Variants in CTNNA3 observed in about 807,000 individuals in gnomAD.
CTNNA3 encodes the protein catenin alpha 3.
CTNNA3 carries 76 observed loss-of-function variants against 95.7 expected under a neutral mutation model. That is an observed-to-expected ratio of 0.79 (90% CI 0.66 to 0.96). CTNNA3 has a LOEUF of 0.96. CTNNA3 is among the 40% of genes least tolerant of loss of function. The pLI is 0.00. For synonymous variants in CTNNA3, 431 were observed against 374.4 expected (o/e 1.15, Z -1.74); for missense variants, 1,191 against 1,089.8 (o/e 1.09, Z -1.31).
chr10:67,379,747 C>T (rs1310085471), intron 5 of CTNNA3, among the ~76,000 whole-genome samples: 1 of 151,996 alleles, frequency 6.6e-6, no homozygotes, highest in African/African-American at 2.4e-5. Context: ...AGAGGCCGGG[C>T]GCGGTGGCTC....
chr10:67,762,118 C>A (rs1440847280), intron 1 of CTNNA3, among the ~76,000 whole-genome samples: 1 of 148,044 alleles, frequency 6.8e-6, no homozygotes, highest in Non-Finnish European at 1.5e-5. Flanking sequence ...TGGAAATTCA[C>A]ACTTTTGGGG....
intron 5 of CTNNA3, among the ~76,000 whole-genome samples, chr10:67,235,131 A>C (rs1033770111): frequency 2.0e-5 from 3 of 152,036 alleles, no homozygotes; most frequent in Middle Eastern, 3.2e-3. Context: ...TCAAGCTACT[A>C]ATGACTTTCT....
chr10:67,077,593 C>A (rs1344585487), intron 7 of CTNNA3, among the ~76,000 whole-genome samples: 1 of 152,174 alleles, frequency 6.6e-6, no homozygotes, highest in African/African-American at 2.4e-5. Flanking sequence ...TCTTGTGAAA[C>A]TTTCTTAGGA....
intron 9 of CTNNA3, among the ~76,000 whole-genome samples, chr10:66,731,026 G>A (rs1196490101): frequency 6.6e-6 from 1 of 152,070 alleles, no homozygotes; most frequent in East Asian, 1.9e-4. Flanking sequence ...CATTTCTTTT[G>A]GATAATTATT....
intron 9 of CTNNA3, among the ~76,000 whole-genome samples, chr10:66,644,460 T>A (rs1045443102): frequency 7.7e-5 from 8 of 103,732 alleles, no homozygotes; most frequent in African/African-American, 1.3e-4. Context: ...CAAATATGTA[T>A]ATATATATAT....
At position 66,323,538 on chromosome 10, in the gene CTNNA3, C is replaced by A. The variant is rs538556697; in HGVS notation, c.1733-42917G>T. Among the ~76,000 whole-genome samples, 11 of 151,696 alleles carry A rather than the reference C, an allele frequency of 7.3e-5. 1 individual carries two copies. The highest frequency in any genetic ancestry group is 1.6e-4 in the Non-Finnish European group (11 of 67,832). ...TGGTGCCATATGCCTGTAGTCCTAG[C>A]TACTCAAGGAGGCTGAGGCAGAAGA... On this transcript the variant is annotated intron_variant, in intron 12 of 17. Coordinates refer to ENST00000433211, the MANE Select transcript of CTNNA3 (RefSeq NM_013266.4).
intron 10 of CTNNA3, among the ~76,000 whole-genome samples, chr10:66,580,957 A>T (rs908337600): frequency 6.6e-6 from 1 of 151,664 alleles, no homozygotes; most frequent in Admixed American, 6.6e-5. Context: ...GCCTTTGCAT[A>T]CCCATAGCTT....
At chr10:67,589,413 G>C (rs922215088) in intron 3 of CTNNA3, among the ~76,000 whole-genome samples, 1 of 152,032 alleles carries the variant, frequency 6.6e-6, no homozygotes, top group Admixed American at 6.6e-5. Context: ...GTAAACAGTA[G>C]ACATTCAATA....
intron 9 of CTNNA3, among the ~76,000 whole-genome samples, chr10:66,760,189 C>T (rs543532708): frequency 6.6e-6 from 1 of 152,308 alleles, no homozygotes; most frequent in African/African-American, 2.4e-5. Flanking sequence ...AGTCCACACG[C>T]AGGCTCTACT....
chr10:66,126,957 C>T (rs944697787), intron 13 of CTNNA3, among the ~76,000 whole-genome samples: 5 of 151,886 alleles, frequency 3.3e-5, no homozygotes, highest in African/African-American at 1.2e-4. Flanking sequence ...TGACTTCTGT[C>T]CAGGGTAGAG....
At chr10:66,061,349 T>G (rs949861759) in intron 15 of CTNNA3, among the ~76,000 whole-genome samples, 7 of 152,154 alleles carry the variant, frequency 4.6e-5, no homozygotes, top group African/African-American at 1.7e-4. Context: ...AGTAATTTTT[T>G]CACACTGCTG....
chr10:67,000,202 C>T (rs1175574458), intron 7 of CTNNA3, among the ~76,000 whole-genome samples: 2 of 152,122 alleles, frequency 1.3e-5, no homozygotes, highest in African/African-American at 2.4e-5. Flanking sequence ...TCAAGAGAAA[C>T]ATTTACAAGA....
chr10:67,354,622 C>T (rs1842747784), intron 5 of CTNNA3, among the ~76,000 whole-genome samples: 1 of 151,970 alleles, frequency 6.6e-6, no homozygotes, highest in South Asian at 2.1e-4. Context: ...TTAATACTCA[C>T]AAACTATGTT....
intron 3 of CTNNA3, among the ~76,000 whole-genome samples, chr10:67,596,902 A>G (rs974839103): frequency 6.6e-6 from 1 of 152,200 alleles, no homozygotes; most frequent in Non-Finnish European, 1.5e-5. Context: ...AGGGATGCCA[A>G]TGAGTCATAG....
At chr10:67,422,040 G>C (rs1845764764) in intron 5 of CTNNA3, among the ~76,000 whole-genome samples, 1 of 152,054 alleles carries the variant, frequency 6.6e-6, no homozygotes, top group South Asian at 2.1e-4. Context: ...GAAAACATCA[G>C]ACAAACTAAA....
At chr10:67,761,086 T>C (rs1378527028) in intron 1 of CTNNA3, among the ~76,000 whole-genome samples, 3 of 152,218 alleles carry the variant, frequency 2.0e-5, no homozygotes, top group Non-Finnish European at 4.4e-5. Flanking sequence ...ACTACAAACC[T>C]GTACAACATA....
chr10:66,651,007 C>T (rs1379129564), intron 9 of CTNNA3, among the ~76,000 whole-genome samples: 1 of 152,154 alleles, frequency 6.6e-6, no homozygotes, highest in East Asian at 1.9e-4. Context: ...GCCCATTTTA[C>T]AGAGAGCTGA....
In CTNNA3 at chr10:66,502,538, C is replaced by T. The variant is rs188472579; in HGVS notation, c.1531+18079G>A. On this transcript the variant is annotated intron_variant, in intron 11 of 17. Transcript: ENST00000433211. ...ATATGAACTCTTCCTCAGTCTCGTACCTCCCTCTCTAAAGTTAATCACTGT... is the reference window on the plus strand; with the variant it reads ...ATATGAACTCTTCCTCAGTCTCGTATCTCCCTCTCTAAAGTTAATCACTGT... 4.4e-4 allele frequency among the ~76,000 whole-genome samples: 67 copies of T among 152,130 alleles called. 1 individual carries two copies. The highest frequency in any genetic ancestry group is 1.2e-4 in the Non-Finnish European group (8 of 68,000).
At chr10:67,512,098 C>T (rs999757942) in intron 5 of CTNNA3, among the ~76,000 whole-genome samples, 3 of 152,026 alleles carry the variant, frequency 2.0e-5, no homozygotes, top group Non-Finnish European at 1.5e-5. Flanking sequence ...AGAAAGCATA[C>T]AAATGGCCAA....
Sources: gnomAD v4.1 joint callset for allele counts (sites outside exome capture counted in the v4.1 genomes callset) on GRCh38, gnomAD v4.1.1 for gene constraint, MANE v1.5 for transcripts, NCBI Gene and HGNC (gene_info 2026-07-23, HGNC 2026-07-21) for gene names.